NLRC5: variants seen among roughly 807,000 people sequenced by gnomAD.
The protein encoded by NLRC5 is protein NLRC5.
In NLRC5, 114 loss-of-function variants were observed where a neutral mutation model predicts 206.9. That is an observed-to-expected ratio of 0.55 (90% CI 0.47 to 0.64). The LOEUF (loss-of-function observed/expected upper bound fraction) is 0.64, where lower values mean the gene tolerates loss of function less well. Ranked by LOEUF, NLRC5 falls within the 30% of genes least tolerant of loss-of-function variation. The pLI is 0.00. For missense variants in NLRC5, 2,008 were observed against 2,305.5 expected, an observed-to-expected ratio of 0.87 and a Z score of 2.64; for synonymous variants, 952 against 962.8, an observed-to-expected ratio of 0.99 and a Z score of 0.21.
chr16:57,061,434 C>T lies in NLRC5; in HGVS notation c.3987-14C>T. The T allele has an allele frequency of 1.2e-6, 2 of 1,609,654 alleles. No individual in the cohort carries two copies. Among genetic ancestry groups the T allele is most frequent in the Non-Finnish European group, 1.7e-6 (2 of 1,179,358 alleles). On this transcript the variant is annotated splice_polypyrimidine_tract_variant and intron_variant, in intron 30 of 48. Coordinates refer to ENST00000688547, the MANE Select transcript of NLRC5 (RefSeq NM_001384950.1). ...AGGCCTCACCCAGGCTCTGCCCTGG[C>T]TTTCTGCCCTCAGGCTAAGTGAGTG...
rs1290201787 is a variant in NLRC5, at chr16:57,059,532, G to T, written c.3986G>T (p.Arg1329Met). 1 of 1,610,602 alleles carries T rather than the reference G, an allele frequency of 6.2e-7. No individual in the cohort carries two copies. Residue 1329 changes from arginine to methionine, a missense_variant and splice_region_variant, in exon 30 of 49, where the codon AGG becomes ATG. Coordinates refer to ENST00000688547, the MANE Select transcript of NLRC5 (RefSeq NM_001384950.1). Reference sequence around the variant, plus strand: ...GAGGACCAGGCTGGGAAGACACTCAGGTAATCCCTGCAGGGTGATGGGACA... The same window carrying T: ...GAGGACCAGGCTGGGAAGACACTCATGTAATCCCTGCAGGGTGATGGGACA... ...SREDQAGKTLRLSECSFRPEH... is the reference protein window; with the variant it reads ...SREDQAGKTLMLSECSFRPEH...
chr16:57,078,083 G>GC (rs1469386850), intron 43 of NLRC5, 63 bp downstream of exon 43: 8 of 1,367,662 alleles, frequency 5.8e-6, no homozygotes, highest in South Asian at 2.8e-5. Flanking sequence ...GGGAGCAGTG[G>GC]GGGGGTCCAG....
At chr16:57,070,855 A>AGG (rs1285959503) in intron 38 of NLRC5, among the ~76,000 whole-genome samples, 3 of 119,738 alleles carry the variant, frequency 2.5e-5, no homozygotes, top group African/African-American at 8.1e-5. Context: ...TTAATGGGGA[A>AGG]GGGTGTGAGA....
Position 57,025,453 on chromosome 16 carries a change from C to T in NLRC5, c.510C>T (p.His170=), listed in dbSNP as rs564063226. 3.8e-5 allele frequency: 61 copies of T among 1,609,636 alleles called. No individual in the cohort carries two copies. Among genetic ancestry groups the T allele is most frequent in the Admixed American group, 1.3e-4 (8 of 59,574 alleles). ...AAATCCCTGGGTCAGGGCAGCCCCA[C>T]GCCTTCCACCAGGTCTATGTCCCTC... ...RSQIPGSGQP[H]AFHQVYVPPI... The change falls in exon 6 of 49, where the codon CAC becomes CAT. Residue 170 remains histidine (H), a synonymous_variant. Coordinates refer to ENST00000688547, the MANE Select transcript of NLRC5 (RefSeq NM_001384950.1).
Position 57,079,186 on chromosome 16 carries a change from G to T in NLRC5, c.5166-35G>T, listed in dbSNP as rs773764728. On this transcript the variant is annotated intron_variant, in intron 44 of 48. Transcript: ENST00000688547. ...CGGGGACAGTCCTGGGCGGGTCTGG[G>T]GGTTCCTCTCACAGGTATCTCCCCT... is the stretch of plus-strand genomic sequence containing the variant. 2.4e-5 allele frequency: 39 copies of T among 1,613,878 alleles called. No individual in the cohort carries two copies. The South Asian group carries it at 3.7e-4, about 15-fold the overall frequency.
intron 47 of NLRC5, 48 bp downstream of exon 47, chr16:57,081,229 ATCCC>A (rs1348145524): frequency 1.3e-6 from 2 of 1,513,060 alleles, no homozygotes; most frequent in African/African-American, 2.8e-5. Flanking sequence ...GGGGACCTAC[ATCCC>A]GGGAACACCA....
intron 1 of NLRC5, among the ~76,000 whole-genome samples, chr16:57,001,256 T>C (rs775351015): frequency 2.6e-5 from 4 of 152,182 alleles, no homozygotes; most frequent in African/African-American, 4.8e-5. Context: ...TTCTGTTTCT[T>C]TGAGGTATTT....
At chr16:57,058,341 A>G (rs2065958873) in intron 28 of NLRC5, 193 bp downstream of exon 28, 1 of 577,800 alleles carries the variant, frequency 1.7e-6, no homozygotes, top group African/African-American at 1.9e-5. Context: ...CACACCCACC[A>G]TGGGCAGATC....
intron 27 of NLRC5, 103 bp downstream of exon 27, chr16:57,055,622 C>T: frequency 1.2e-6 from 1 of 859,858 alleles, no homozygotes; most frequent in Non-Finnish European, 1.9e-6. Flanking sequence ...TCATGTGTGC[C>T]TGCCTACACC....
At chr16:57,038,398 C>T (rs895975294) in intron 15 of NLRC5, among the ~76,000 whole-genome samples, 2 of 152,112 alleles carry the variant, frequency 1.3e-5, no homozygotes, top group Admixed American at 1.3e-4. Flanking sequence ...GCTGGGATTA[C>T]AGTCATGAGT....
At chr16:57,009,583 A>G (rs1432891510) in intron 1 of NLRC5, among the ~76,000 whole-genome samples, 3 of 151,814 alleles carry the variant, frequency 2.0e-5, no homozygotes, top group Admixed American at 6.6e-5. Context: ...ACAGAGTGAG[A>G]CTCCATTTCA....
intron 28 of NLRC5, 47 bp from the exon 29 acceptor site, chr16:57,058,925 A>G (rs2066045216): frequency 6.7e-7 from 1 of 1,498,366 alleles, no homozygotes; most frequent in Non-Finnish European, 9.3e-7. Flanking sequence ...CAGGGCTCCA[A>G]GGAGGTCCTG....
At chr16:57,007,641 A>G (rs1406438797) in intron 1 of NLRC5, among the ~76,000 whole-genome samples, 1 of 152,142 alleles carries the variant, frequency 6.6e-6, no homozygotes, top group African/African-American at 2.4e-5. Context: ...AGGCAGAAGA[A>G]TTGCTTGAAC....
chr16:57,016,664 C>T (rs1200505479), intron 1 of NLRC5, among the ~76,000 whole-genome samples: 1 of 152,140 alleles, frequency 6.6e-6, no homozygotes, highest in Non-Finnish European at 1.5e-5. Flanking sequence ...AAATCCTAAC[C>T]TTTTTGGGGT....
intron 30 of NLRC5, among the ~76,000 whole-genome samples, chr16:57,061,190 C>T (rs1199995543): frequency 6.6e-6 from 1 of 152,242 alleles, no homozygotes; most frequent in Non-Finnish European, 1.5e-5. Flanking sequence ...GAGGCTGGCA[C>T]AGTGCCTGAC....
At position 57,039,867 on chromosome 16, in the gene NLRC5, C is replaced by T. The variant is rs996541803; in HGVS notation, c.2870+18C>T. 1 of 1,606,376 alleles carries T rather than the reference C, an allele frequency of 6.2e-7. No homozygotes were observed. Among genetic ancestry groups the T allele is most frequent in the African/African-American group, 1.3e-5 (1 of 74,894 alleles). On this transcript the variant is annotated intron_variant, in intron 16 of 48. Transcript: ENST00000688547. ...CAGGAGAGGTAGGGCCCGATTTCAC[C>T]CCAACTCCATGCTCAGTCAGGGACA...
At chr16:57,040,884 C>G (rs893720376) in intron 17 of NLRC5, among the ~76,000 whole-genome samples, 166 bp downstream of exon 17, 1 of 152,082 alleles carries the variant, frequency 6.6e-6, no homozygotes, top group African/African-American at 2.4e-5. Flanking sequence ...ACCTCCCCTG[C>G]CCAGCCCACC....
intron 38 of NLRC5, among the ~76,000 whole-genome samples, chr16:57,071,547 G>A (rs2144933305): frequency 7.4e-6 from 1 of 134,628 alleles, no homozygotes; most frequent in Middle Eastern, 4.5e-3. Context: ...GGTTAACGGG[G>A]AAGGGGGTGA....
chr16:57,052,259 G>T (rs757818790), intron 24 of NLRC5, among the ~76,000 whole-genome samples: 3 of 152,166 alleles, frequency 2.0e-5, no homozygotes, highest in Non-Finnish European at 4.4e-5. Context: ...GATCACCTGA[G>T]GTCAGGAGTT....
Sources: gnomAD v4.1 joint callset for allele counts (sites outside exome capture counted in the v4.1 genomes callset) on GRCh38, gnomAD v4.1.1 for gene constraint, MANE v1.5 for transcripts, NCBI Gene and HGNC (gene_info 2026-07-23, HGNC 2026-07-21) for gene names.